The following MACROD2 variants were observed in gnomAD, a reference collection of about 807,000 sequenced individuals.
MACROD2 encodes the protein mono-ADP ribosylhydrolase 2, also known as ADP-ribose glycohydrolase MACROD2.
MACROD2 carries 36 observed loss-of-function variants against 70.4 expected under a neutral mutation model. The ratio of observed to expected loss-of-function variants is 0.51; its 90% CI spans 0.39 to 0.68. The LOEUF is 0.68. Among genes scored for constraint, MACROD2 ranks in the 30% least tolerant of loss-of-function variants. MACROD2 has a pLI of 0.00. For missense variants in MACROD2, 496 were observed against 538.4 expected (o/e 0.92, Z 0.78); for synonymous variants, 172 against 178.8 (o/e 0.96, Z 0.30).
intron 6 of MACROD2, among the ~76,000 whole-genome samples, chr20:15,335,832 C>A (rs1380532232): frequency 1.3e-5 from 2 of 151,606 alleles, no homozygotes; most frequent in Non-Finnish European, 1.5e-5. Context: ...TGATGCCAAG[C>A]CCAAACAGTA....
chr20:15,549,597 T>C (rs756137585), intron 8 of MACROD2, among the ~76,000 whole-genome samples: 20 of 152,202 alleles, frequency 1.3e-4, no homozygotes, highest in Non-Finnish European at 1.5e-5. Context: ...GGTTTTATTT[T>C]GACCCTTAAG....
At chr20:14,848,688 T>G (rs968661390) in intron 5 of MACROD2, among the ~76,000 whole-genome samples, 1 of 152,286 alleles carries the variant, frequency 6.6e-6, no homozygotes, top group Non-Finnish European at 1.5e-5. Flanking sequence ...TTTCGATATA[T>G]TCATGCAAAT....
intron 6 of MACROD2, among the ~76,000 whole-genome samples, chr20:15,388,849 C>CA: frequency 6.6e-6 from 1 of 152,122 alleles, no homozygotes; most frequent in South Asian, 2.1e-4. Context: ...CCCTGAGGAA[C>CA]AAAAAGATTC....
intron 3 of MACROD2, among the ~76,000 whole-genome samples, chr20:14,390,815 C>A (rs1200296913): frequency 3.3e-5 from 5 of 152,044 alleles, no homozygotes; most frequent in African/African-American, 1.2e-4. Context: ...GAGCAAAGGA[C>A]AGGAATAGAC....
At chr20:15,020,070 G>A (rs1000537978) in intron 5 of MACROD2, among the ~76,000 whole-genome samples, 3 of 152,162 alleles carry the variant, frequency 2.0e-5, no homozygotes, top group Non-Finnish European at 2.9e-5. Context: ...TGATAAAAAA[G>A]CATTCTTAGC....
chr20:16,005,695 C>T (rs1454076701), intron 15 of MACROD2, among the ~76,000 whole-genome samples: 1 of 152,208 alleles, frequency 6.6e-6, no homozygotes, highest in South Asian at 2.1e-4. Context: ...TCCCTCACAG[C>T]GTGTCTTTTT....
intron 8 of MACROD2, among the ~76,000 whole-genome samples, chr20:15,631,204 G>A (rs879303235): frequency 2.0e-5 from 3 of 152,156 alleles, no homozygotes; most frequent in Non-Finnish European, 4.4e-5. Context: ...AGTTCTTGCA[G>A]AAGGACAGCA....
intron 2 of MACROD2, among the ~76,000 whole-genome samples, chr20:14,054,122 G>T (rs1389347455): frequency 1.3e-5 from 2 of 150,008 alleles, no homozygotes; most frequent in Non-Finnish European, 3.0e-5. Flanking sequence ...GTAATTGGTT[G>T]TTTACTTTTC....
chr20:15,952,309 G>T (rs1007334456), intron 12 of MACROD2, among the ~76,000 whole-genome samples: 4 of 152,084 alleles, frequency 2.6e-5, no homozygotes, highest in Admixed American at 2.6e-4. Flanking sequence ...AGGGTGGATG[G>T]TTAAAGCCTT....
At chr20:14,169,167 A>C (rs2081196548) in intron 3 of MACROD2, among the ~76,000 whole-genome samples, 1 of 152,244 alleles carries the variant, frequency 6.6e-6, no homozygotes, top group African/African-American at 2.4e-5. Flanking sequence ...CTTTATGACA[A>C]AAACCTCAGC....
At position 14,730,552 on chromosome 20, in the gene MACROD2, G is replaced by A. The variant is rs560398106; in HGVS notation, c.418+45593G>A. On this transcript the variant is annotated intron_variant, in intron 5 of 17. Coordinates refer to ENST00000684519, the MANE Select transcript of MACROD2 (RefSeq NM_001351661.2). ...ACCCAGTGAAACTGTCTTTAAAGAA[G>A]GAGAGATACCTTTCAAGAAATTAAG... 4.6e-4 allele frequency among the ~76,000 whole-genome samples: 70 copies of A among 152,246 alleles called. 3 individuals are homozygous for A. The highest frequency in any genetic ancestry group is 4.1e-3 in the Admixed American group (62 of 15,300).
intron 5 of MACROD2, among the ~76,000 whole-genome samples, chr20:15,114,091 G>A (rs1223601508): frequency 6.6e-6 from 1 of 152,130 alleles, no homozygotes; most frequent in African/African-American, 2.4e-5. Context: ...TGACTCACAG[G>A]GTGGAGAAGG....
chr20:15,353,895 G>A (rs1351506239), intron 6 of MACROD2, among the ~76,000 whole-genome samples: 2 of 126,236 alleles, frequency 1.6e-5, no homozygotes, highest in Admixed American at 8.7e-5. Context: ...CTTTTACACT[G>A]TTGGTGGGAC....
At chr20:14,397,620 G>A (rs774102359) in intron 3 of MACROD2, among the ~76,000 whole-genome samples, 6 of 151,858 alleles carry the variant, frequency 4.0e-5, no homozygotes, top group Non-Finnish European at 8.8e-5. Flanking sequence ...ATTTTTAGTT[G>A]ATACATAATA....
At chr20:15,606,265 G>C (rs184253738) in intron 8 of MACROD2, among the ~76,000 whole-genome samples, 1 of 152,182 alleles carries the variant, frequency 6.6e-6, no homozygotes, top group African/African-American at 2.4e-5. Flanking sequence ...CCCCACTCTC[G>C]ACTCGACTTC....
chr20:14,689,059 T>C (rs2071033895), intron 5 of MACROD2, among the ~76,000 whole-genome samples: 1 of 152,186 alleles, frequency 6.6e-6, no homozygotes. Flanking sequence ...CATCTCCTTC[T>C]GTGCTTCCCC....
At chr20:14,725,989 A>C (rs1412672942) in intron 5 of MACROD2, among the ~76,000 whole-genome samples, 2 of 152,160 alleles carry the variant, frequency 1.3e-5, no homozygotes, top group Admixed American at 1.3e-4. Context: ...CCCTTACGTG[A>C]CTGGCTCTCA....
intron 2 of MACROD2, among the ~76,000 whole-genome samples, chr20:14,084,181 TG>T (rs1388921623): frequency 6.6e-6 from 1 of 151,610 alleles, no homozygotes; most frequent in Non-Finnish European, 1.5e-5. Flanking sequence ...TTTCTAGTCT[TG>T]GCCAAATTTT....
chr20:16,038,142 GT>G (rs2067259451), intron 15 of MACROD2, among the ~76,000 whole-genome samples: 1 of 148,092 alleles, frequency 6.8e-6, no homozygotes, highest in Non-Finnish European at 1.5e-5. Flanking sequence ...TTATTTTGAA[GT>G]TAATGGATCT....
Sources: gnomAD v4.1 joint callset for allele counts (sites outside exome capture counted in the v4.1 genomes callset) on GRCh38, gnomAD v4.1.1 for gene constraint, MANE v1.5 for transcripts, NCBI Gene and HGNC (gene_info 2026-07-23, HGNC 2026-07-21) for gene names.